TBL1XR1: variants seen among roughly 807,000 people sequenced by gnomAD.
TBL1XR1 encodes TBL1X/Y related 1, also known as F-box-like/WD repeat-containing protein TBL1XR1.
A neutral mutation model predicts 66.9 loss-of-function variants in TBL1XR1; 5 were observed. The observed-to-expected ratio is 0.07, with a 90% CI of 0.04 to 0.16. The LOEUF (loss-of-function observed/expected upper bound fraction) is 0.16, where lower values mean the gene tolerates loss of function less well. Among genes scored for constraint, TBL1XR1 ranks in the 10% least tolerant of loss-of-function variants. The probability of loss-of-function intolerance (pLI) is 1.00; values close to 1 mark genes in which losing one functional copy is unlikely to be tolerated. For synonymous variants in TBL1XR1, 210 were observed against 206.0 expected (o/e 1.02, Z -0.17); for missense variants, 238 against 623.2 (o/e 0.38, Z 6.58).
At chr3:177,196,697 C>G (rs1347906814) in intron 1 of TBL1XR1, among the ~76,000 whole-genome samples, 2 of 151,150 alleles carry the variant, frequency 1.3e-5, no homozygotes, top group Non-Finnish European at 2.9e-5. Flanking sequence ...CATGATGGCT[C>G]CTTGATTCAA....
chr3:177,067,395 A>C (rs1196077198), intron 2 of TBL1XR1, among the ~76,000 whole-genome samples: 1 of 152,228 alleles, frequency 6.6e-6, no homozygotes, highest in Non-Finnish European at 1.5e-5. Context: ...CTTGGATGAA[A>C]GTATCCAACC....
chr3:177,049,971 T>C, intron 7 of TBL1XR1, 26 bp downstream of exon 7: 3 of 1,610,098 alleles, frequency 1.9e-6, no homozygotes, highest in Non-Finnish European at 2.5e-6. Flanking sequence ...AGTAATTATA[T>C]CCATCATGGA....
intron 3 of TBL1XR1, among the ~76,000 whole-genome samples, chr3:177,062,660 A>T (rs1409887241): frequency 1.3e-5 from 2 of 152,210 alleles, no homozygotes; most frequent in Non-Finnish European, 1.5e-5. Context: ...CTACACTGTA[A>T]AGTCTAAAAC....
chr3:177,136,953 T>C (rs1421192211), intron 1 of TBL1XR1, among the ~76,000 whole-genome samples: 2 of 152,184 alleles, frequency 1.3e-5, no homozygotes, highest in Admixed American at 6.6e-5. Flanking sequence ...CTCCAATATA[T>C]ACGGTCTCTC....
chr3:177,152,907 A>G (rs946024495), intron 1 of TBL1XR1, among the ~76,000 whole-genome samples: 1 of 152,072 alleles, frequency 6.6e-6, no homozygotes, highest in Non-Finnish European at 1.5e-5. Flanking sequence ...ACAGAACCAC[A>G]CTGTTTGTGG....
chr3:177,183,509 C>T (rs114886618), intron 1 of TBL1XR1, among the ~76,000 whole-genome samples: 350 of 152,226 alleles, frequency 2.3e-3, no homozygotes, highest in Middle Eastern at 0.01. Context: ...GATTCCACTC[C>T]GGAAAGCAAA....
At chr3:177,122,086 A>C (rs954118187) in intron 1 of TBL1XR1, among the ~76,000 whole-genome samples, 1 of 152,154 alleles carries the variant, frequency 6.6e-6, no homozygotes, top group Admixed American at 6.6e-5. Context: ...GCAACGTTTT[A>C]TTCTATTAAT....
At chr3:177,146,693 T>C (rs1161816813) in intron 1 of TBL1XR1, among the ~76,000 whole-genome samples, 1 of 151,638 alleles carries the variant, frequency 6.6e-6, no homozygotes, top group East Asian at 1.9e-4. Flanking sequence ...CTAATAATTT[T>C]CCAAAACCCA....
intron 1 of TBL1XR1, among the ~76,000 whole-genome samples, chr3:177,106,783 C>G (rs560433920): frequency 6.6e-6 from 1 of 152,314 alleles, no homozygotes; most frequent in South Asian, 2.1e-4. Context: ...TCAGTGCCCA[C>G]TTTTCCCTTG....
intron 2 of TBL1XR1, among the ~76,000 whole-genome samples, chr3:177,096,242 A>G (rs180756617): frequency 6.6e-6 from 1 of 152,252 alleles, no homozygotes; most frequent in Admixed American, 6.5e-5. Context: ...GTGCAAATAT[A>G]TAGAAATGGC....
In TBL1XR1 at chr3:177,162,328, T is replaced by C. The variant is rs556486380; in HGVS notation, c.-122+34793A>G. On this transcript the variant is annotated intron_variant, in intron 1 of 15. Transcript: ENST00000457928. ...AACACAGGTCAATACAGTGGTTACC[T>C]TTGGTGGGCAAGATACTGACTGGAA... Among the ~76,000 whole-genome samples, 7 of 152,326 alleles carry C rather than the reference T, an allele frequency of 4.6e-5. No individual in the cohort carries two copies. In the South Asian group the frequency reaches 8.3e-4, roughly 18 times the overall value.
At chr3:177,109,893 C>G (rs1482462634) in intron 1 of TBL1XR1, among the ~76,000 whole-genome samples, 1 of 151,932 alleles carries the variant, frequency 6.6e-6, no homozygotes, top group South Asian at 2.1e-4. Flanking sequence ...CCTGTATGCT[C>G]GATGTTCTGT....
intron 1 of TBL1XR1, among the ~76,000 whole-genome samples, chr3:177,110,067 AT>A (rs1321205702): frequency 6.6e-6 from 1 of 152,160 alleles, no homozygotes; most frequent in Non-Finnish European, 1.5e-5. Flanking sequence ...TGCCTCCTAT[AT>A]ATTGTGAAGC....
intron 9 of TBL1XR1, 61 bp from the exon 10 acceptor site, chr3:177,046,250 AGT>A: frequency 8.2e-7 from 1 of 1,218,892 alleles, no homozygotes; most frequent in Non-Finnish European, 1.1e-6. Context: ...ACATGTGTAA[AGT>A]ATATGCCTAA....
intron 1 of TBL1XR1, among the ~76,000 whole-genome samples, chr3:177,151,898 C>G (rs1730934295): frequency 6.6e-6 from 1 of 152,144 alleles, no homozygotes; most frequent in African/African-American, 2.4e-5. Context: ...GTGGCAGGCA[C>G]CCGTAATCCC....
chr3:177,134,811 G>C (rs1390983543), intron 1 of TBL1XR1, among the ~76,000 whole-genome samples: 7 of 152,056 alleles, frequency 4.6e-5, no homozygotes, highest in Non-Finnish European at 1.0e-4. Context: ...ATAACATGTT[G>C]TCTCTCTAAA....
chr3:177,064,862 G>A (rs1341631008), intron 3 of TBL1XR1, 58 bp downstream of exon 3: 1 of 1,168,878 alleles, frequency 8.6e-7, no homozygotes, highest in African/African-American at 1.6e-5. Flanking sequence ...ATGCATAAAA[G>A]ATTATTTTGA....
chr3:177,176,353 T>C (rs1734151787), intron 1 of TBL1XR1, among the ~76,000 whole-genome samples: 1 of 150,616 alleles, frequency 6.6e-6, no homozygotes, highest in South Asian at 2.1e-4. Flanking sequence ...TGCGCCACCA[T>C]GCCTGGCTAA....
intron 1 of TBL1XR1, among the ~76,000 whole-genome samples, chr3:177,195,412 A>C (rs1736703509): frequency 6.7e-6 from 1 of 149,858 alleles, no homozygotes; most frequent in Non-Finnish European, 1.5e-5. Flanking sequence ...GGGGAGACAA[A>C]GGTGCCCTAC....
Sources: allele counts gnomAD v4.1 joint callset (sites outside exome capture counted in the v4.1 genomes callset), GRCh38; gene constraint gnomAD v4.1.1; transcripts MANE v1.5; gene names NCBI Gene and HGNC (gene_info 2026-07-23, HGNC 2026-07-21).